MYBPC1: variants seen among roughly 807,000 people sequenced by gnomAD.
MYBPC1 encodes the protein myosin binding protein C1, also known as myosin-binding protein C, slow-type.
In MYBPC1, 52 loss-of-function variants were observed where a neutral mutation model predicts 147.1. The observed-to-expected ratio is 0.35, with a 90% CI of 0.28 to 0.45. The LOEUF (loss-of-function observed/expected upper bound fraction) is 0.45, where lower values mean the gene tolerates loss of function less well. Among genes scored for constraint, MYBPC1 ranks in the 20% least tolerant of loss-of-function variants. MYBPC1 has a pLI of 1.00. For missense variants in MYBPC1, 1,228 were observed against 1,440.3 expected, an observed-to-expected ratio of 0.85 and a Z score of 2.39; for synonymous variants, 477 against 475.9, an observed-to-expected ratio of 1.00 and a Z score of -0.03.
In MYBPC1 at chr12:101,642,432, C is replaced by G. The variant is rs757483361; in HGVS notation, c.679C>G (p.Gln227Glu). The change falls in exon 11 of 32, where the codon CAG (glutamine) becomes GAG (glutamate). Residue 227 changes from glutamine (Q) to glutamate (E), a missense_variant. By Grantham distance (29) the Gln-to-Glu change is conservative. This residue lies in a region of MYBPC1 where 1,077 missense variants were observed against 1,314.2 expected (regional missense o/e 0.82). Coordinates refer to ENST00000361466, the MANE Select transcript of MYBPC1 (RefSeq NM_002465.4). Reference sequence around the variant, plus strand: ...CTCCCCGGTTAGGGAGGTGAAGCAGCAGGAGGAAGAACCCCAGGTGGACGT... The same window carrying G: ...CTCCCCGGTTAGGGAGGTGAAGCAGGAGGAGGAAGAACCCCAGGTGGACGT... The part of the protein sequence containing the change: ...GLLKRREVKQ[Q>E]EEEPQVDVWE... 4 of 1,614,064 alleles carry G rather than the reference C, an allele frequency of 2.5e-6. No individual in the cohort carries two copies. In the South Asian group the frequency reaches 4.4e-5, roughly 18 times the overall value.
intron 1 of MYBPC1, among the ~76,000 whole-genome samples, chr12:101,601,671 C>T (rs1333185442): frequency 6.6e-5 from 10 of 152,232 alleles, no homozygotes; most frequent in South Asian, 2.1e-4. Context: ...ATCAGGGCAG[C>T]GTCTAAAATT....
intron 3 of MYBPC1, among the ~76,000 whole-genome samples, chr12:101,624,844 A>G (rs1055830877): frequency 2.6e-5 from 4 of 152,048 alleles, no homozygotes; most frequent in Non-Finnish European, 5.9e-5. Context: ...ATAACAACAA[A>G]TGCTCTTTAA....
At chr12:101,649,025 A>C (rs1893836702) in intron 14 of MYBPC1, among the ~76,000 whole-genome samples, 1 of 152,204 alleles carries the variant, frequency 6.6e-6, no homozygotes, top group African/African-American at 2.4e-5. Context: ...ATTCATCTTG[A>C]GTGCGAGCAG....
chr12:101,666,529 T>G lies in MYBPC1; in HGVS notation c.2357-1203T>G, dbSNP rs895490182. ...TTTTTCTCCTCTTCTCTGTGGCAGGTGCCTCAGGTCAGAAGCCACAGTCTG... is the reference window on the plus strand; with the variant it reads ...TTTTTCTCCTCTTCTCTGTGGCAGGGGCCTCAGGTCAGAAGCCACAGTCTG... On this transcript the variant is annotated intron_variant, in intron 22 of 31. Transcript: ENST00000361466. The G allele has an allele frequency of 3.1e-4, 168 of 533,514 alleles. 1 individual carries two copies. The highest frequency in any genetic ancestry group is 4.1e-5 in the South Asian group (2 of 48,768). The allele number at this position is 533,514 out of a possible 1,614,324, so 33.0% of individuals were successfully genotyped here.
At position 101,662,418 on chromosome 12, in the gene MYBPC1, T is replaced by G. The variant is rs1565980322; in HGVS notation, c.2093T>G (p.Leu698Arg). ...SSRWMRLNFD[L>R]CKETTFEPKK... ...AGGTGGATGAGGCTGAATTTTGATC[T>G]CTGCAAAGAAACAACTTTTGAGCCC... is the stretch of plus-strand genomic sequence containing the variant. The change falls in exon 21 of 32, where the codon CTC (leucine) becomes CGC (arginine). Residue 698 changes from leucine to arginine, a missense_variant. Transcript: ENST00000361466. The G allele has an allele frequency of 6.2e-7, 1 of 1,614,256 alleles. No homozygotes were observed. The highest frequency in any genetic ancestry group is 1.1e-5 in the South Asian group (1 of 91,088).
intron 1 of MYBPC1, among the ~76,000 whole-genome samples, chr12:101,596,530 A>G (rs758419223): frequency 2.6e-5 from 4 of 152,220 alleles, no homozygotes; most frequent in Non-Finnish European, 4.4e-5. Flanking sequence ...AATTATTCTG[A>G]ATTTAGTGAA....
chr12:101,684,194 G>A (rs770289178), intron 30 of MYBPC1, among the ~76,000 whole-genome samples, 188 bp from the exon 31 acceptor site: 20 of 152,030 alleles, frequency 1.3e-4, no homozygotes, highest in African/African-American at 4.8e-4. Flanking sequence ...TCCTTTTGAC[G>A]TGACTGGATC....
chr12:101,612,877 C>T (rs538079044), intron 1 of MYBPC1, among the ~76,000 whole-genome samples: 12 of 152,338 alleles, frequency 7.9e-5, no homozygotes, highest in African/African-American at 1.9e-4. Flanking sequence ...TTTTGGTTGA[C>T]GATAACCCTA....
intron 1 of MYBPC1, among the ~76,000 whole-genome samples, chr12:101,605,944 A>G (rs1593615137): frequency 6.6e-6 from 1 of 151,884 alleles, no homozygotes; most frequent in Non-Finnish European, 1.5e-5. Context: ...CCTGTAATCC[A>G]AGCACTTTGG....
chr12:101,615,910 C>A (rs949195162), intron 2 of MYBPC1, among the ~76,000 whole-genome samples: 1 of 151,556 alleles, frequency 6.6e-6, no homozygotes, highest in East Asian at 1.9e-4. Context: ...TCTTTTCTTT[C>A]TCTTTCTTGA....
rs1295752001 is a variant in MYBPC1, at chr12:101,626,847, T to G, written c.104-25T>G. On this transcript the variant is annotated intron_variant, in intron 3 of 31. Coordinates refer to ENST00000361466, the MANE Select transcript of MYBPC1 (RefSeq NM_002465.4). ...TGGGATGAAGTCTTTTCTCCTTGACTTTTTACTCCTATTTCTTGTTTCAGA... is the reference window on the plus strand; with the variant it reads ...TGGGATGAAGTCTTTTCTCCTTGACGTTTTACTCCTATTTCTTGTTTCAGA... 1.9e-6 allele frequency: 3 copies of G among 1,602,972 alleles called. No homozygotes were observed. The South Asian group carries it at 3.3e-5, about 18-fold the overall frequency.
intron 1 of MYBPC1, among the ~76,000 whole-genome samples, chr12:101,606,203 A>AACACAC (rs113061042): frequency 0.11 from 15,359 of 145,786 alleles, 843 homozygotes; most frequent in Non-Finnish European, 0.13. Context: ...TCAAAAAAGA[A>AACACAC]ACACACACAC....
intron 29 of MYBPC1, 41 bp from the exon 30 acceptor site, chr12:101,682,563 G>T: frequency 6.4e-7 from 1 of 1,569,034 alleles, no homozygotes; most frequent in South Asian, 1.1e-5. Context: ...AATGTCAACT[G>T]AGAATAAATA....
intron 18 of MYBPC1, among the ~76,000 whole-genome samples, chr12:101,657,705 C>A (rs1403661386): frequency 6.6e-6 from 1 of 152,092 alleles, no homozygotes; most frequent in African/African-American, 2.4e-5. Flanking sequence ...TAATTAATAA[C>A]CTTACAAAAC....
chr12:101,664,422 C>A (rs1312487618), intron 22 of MYBPC1: 1 of 152,144 alleles, frequency 6.6e-6, no homozygotes. Flanking sequence ...TCAAATTCCA[C>A]AAACAGTGGC....
Position 101,673,457 on chromosome 12 carries a change from A to G in MYBPC1, c.2644A>G (p.Lys882Glu). The G allele has an allele frequency of 1.2e-6, 2 of 1,613,278 alleles. No homozygotes were observed. The highest frequency in any genetic ancestry group is 8.5e-7 in the Non-Finnish European group (1 of 1,179,978). ...GKPRPELTWK[K>E]DGAEIDKNQI... ...ACCAAGACCAGAATTAACTTGGAAG[A>G]AGGATGGTGCAGAAATTGATAAGAA... The change falls in exon 25 of 32, where the codon AAG (lysine) becomes GAG (glutamate). Residue 882 changes from lysine to glutamate, a missense_variant. Around this residue, in one of 2 missense-constraint regions of MYBPC1, gnomAD observed 1,077 missense variants for 1,314.2 expected, o/e 0.82. Transcript: ENST00000361466.
intron 5 of MYBPC1, chr12:101,628,272 C>T (rs1042001891): frequency 6.0e-5 from 12 of 200,674 alleles, no homozygotes; most frequent in African/African-American, 2.3e-4. Context: ...GGGCCAGCCA[C>T]TCCTATAGGC....
intron 15 of MYBPC1, among the ~76,000 whole-genome samples, chr12:101,649,893 A>G (rs1593896315): frequency 6.6e-6 from 1 of 152,342 alleles, no homozygotes; most frequent in East Asian, 1.9e-4. Context: ...ACTTCCCTCA[A>G]TGCCCTCTAC....
At chr12:101,644,109 T>C (rs1338108612) in intron 11 of MYBPC1, among the ~76,000 whole-genome samples, 4 of 152,202 alleles carry the variant, frequency 2.6e-5, no homozygotes, top group Admixed American at 2.6e-4. Context: ...TGATCTCAGC[T>C]CACTGCAACC....
Sources: gnomAD v4.1 joint callset for allele counts (sites outside exome capture counted in the v4.1 genomes callset) on GRCh38, gnomAD v4.1.1 for gene constraint, gnomAD v4.1.1 regional missense constraint, MANE v1.5 for transcripts, NCBI Gene and HGNC (gene_info 2026-07-23, HGNC 2026-07-21) for gene names.